The following DMD variants were observed in gnomAD, a reference collection of about 807,000 sequenced individuals.
DMD encodes dystrophin, also known as mutant dystrophin.
In DMD, 63 loss-of-function variants were observed where a neutral mutation model predicts 330.1. That is an observed-to-expected ratio of 0.19 (90% CI 0.16 to 0.24). The LOEUF (loss-of-function observed/expected upper bound fraction) is 0.24, where lower values mean the gene tolerates loss of function less well. Ranked by LOEUF, DMD falls within the 10% of genes least tolerant of loss-of-function variation. The pLI is 1.00. For missense variants in DMD, 3,344 were observed against 2,684.1 expected (o/e 1.25, Z -5.43); for synonymous variants, 1,223 against 959.8 (o/e 1.27, Z -5.07).
intron 48 of DMD, among the ~76,000 whole-genome samples, chrX:31,849,356 G>A (rs1056902220): frequency 2.7e-5 from 3 of 110,987 alleles, no homozygotes; most frequent in Non-Finnish European, 5.7e-5. Context: ...ATAACAACTA[G>A]TAAAGTGCAA....
intron 59 of DMD, among the ~76,000 whole-genome samples, chrX:31,462,970 T>C (rs1203584626): frequency 8.9e-6 from 1 of 112,313 alleles, no homozygotes; most frequent in Non-Finnish European, 1.9e-5. Flanking sequence ...TTCATGTCCA[T>C]AGGTGAATGT....
chrX:32,560,995 A>C (rs190228173), intron 16 of DMD, among the ~76,000 whole-genome samples: 1 of 111,720 alleles, frequency 9.0e-6, no homozygotes, highest in African/African-American at 3.3e-5. Context: ...TAGTTCTTTG[A>C]GGAACCACCA....
chrX:31,259,145 TATA>T (rs2050263588), intron 63 of DMD, among the ~76,000 whole-genome samples: 2 of 112,233 alleles, frequency 1.8e-5, no homozygotes, highest in Admixed American at 9.5e-5. Flanking sequence ...GTATTAATTC[TATA>T]ATAATAATGA....
intron 2 of DMD, among the ~76,000 whole-genome samples, chrX:32,934,222 T>TA (rs1450820251): frequency 1.8e-5 from 2 of 111,501 alleles, no homozygotes; most frequent in Admixed American, 1.9e-4. Flanking sequence ...GCATCTCTTT[T>TA]AGAAACAAGG....
intron 1 of DMD, among the ~76,000 whole-genome samples, chrX:33,025,917 A>G (rs1366536451): frequency 8.9e-6 from 1 of 111,778 alleles, no homozygotes; most frequent in African/African-American, 3.3e-5. Context: ...TTAATTGAAG[A>G]TCTTCATCCC....
chrX:32,842,413 C>G (rs994554047), intron 4 of DMD, among the ~76,000 whole-genome samples: 5 of 111,900 alleles, frequency 4.5e-5, no homozygotes, highest in African/African-American at 1.6e-4. Context: ...AACAAACAAA[C>G]AAAAAAACCC....
rs189924513 is a variant in DMD at position 32,546,976 on chromosome X, T to C, written c.1993-1642A>G. On this transcript the variant is annotated intron_variant, in intron 16 of 78. Transcript: ENST00000357033. ...AGTAGGATTCCAAGAGCATTTACTT[T>C]GTAATTTGAATATTTTTTAACCATG... Among the ~76,000 whole-genome samples, 7 of 112,071 alleles carry C rather than the reference T, an allele frequency of 6.2e-5. No individual in the cohort carries two copies. In the East Asian group the frequency reaches 2.0e-3, roughly 31 times the overall value.
rs128626250 is a variant in DMD at position 32,217,062 on chromosome X, G to A, written c.6292C>T (p.Arg2098Ter). ...CATTTCTCAACAGATCTGTCAAATC[G>A]CCTGCAGGTAAAAGCATATGGATCA... is the stretch of plus-strand genomic sequence containing the variant. ...VNKMYKDRQG[R>*]FDRSVEKWRR... The change falls in exon 44 of 79, where the codon CGA (arginine) becomes TGA (stop). Residue 2098 changes from arginine to a stop codon, truncating the protein, a stop_gained and splice_region_variant. Transcript: ENST00000357033. LOFTEE classifies it high-confidence loss of function. 1 of 1,207,369 alleles carries A rather than the reference G, an allele frequency of 8.3e-7. No homozygotes were observed. The highest frequency in any genetic ancestry group is 1.1e-6 in the Non-Finnish European group (1 of 892,504).
At chrX:32,607,739 T>A (rs1223212577) in intron 12 of DMD, among the ~76,000 whole-genome samples, 1 of 110,690 alleles carries the variant, frequency 9.0e-6, no homozygotes, top group African/African-American at 3.3e-5. Context: ...CATGTGTGTC[T>A]TAGCTTTCTT....
At chrX:32,082,652 G>A (rs2096402612) in intron 44 of DMD, among the ~76,000 whole-genome samples, 1 of 111,606 alleles carries the variant, frequency 9.0e-6, no homozygotes, top group Non-Finnish European at 1.9e-5. Flanking sequence ...AGCCTTTGAG[G>A]TTAACATACA....
chrX:32,176,797 A>T (rs2096908183), intron 44 of DMD, among the ~76,000 whole-genome samples: 1 of 111,254 alleles, frequency 9.0e-6, no homozygotes, highest in African/African-American at 3.3e-5. Flanking sequence ...TGACATCCAC[A>T]TTCATTTCTC....
intron 7 of DMD, among the ~76,000 whole-genome samples, chrX:32,775,864 T>C (rs1005105003): frequency 2.7e-5 from 3 of 112,897 alleles, no homozygotes; most frequent in Non-Finnish European, 5.6e-5. Flanking sequence ...GGGTTTTTCT[T>C]TTCTGCCGCA....
At position 32,787,730 on chromosome X, in the gene DMD, T is replaced by C. The variant is rs1283747417; in HGVS notation, c.649+21763A>G. 1.4e-4 allele frequency among the ~76,000 whole-genome samples: 13 copies of C among 95,009 alleles called. No homozygotes were observed. The Admixed American group carries it at 1.5e-3, about 11-fold the overall frequency. 82.5% of individuals were successfully genotyped at this position (95,009 alleles called of 115,157 possible). A position where few individuals can be genotyped will look rare whatever the true frequency, so the allele number is the denominator to read the frequency against. ...CCACCATCATCTAATTGTACTGTAC[T>C]CATCAATTTAAGGACCACGGTTGAC... On this transcript the variant is annotated intron_variant, in intron 7 of 78. Coordinates refer to ENST00000357033, the MANE Select transcript of DMD (RefSeq NM_004006.3).
chrX:32,371,448 TC>T (rs2147338807), intron 34 of DMD, among the ~76,000 whole-genome samples: 1 of 110,165 alleles, frequency 9.1e-6, no homozygotes, highest in East Asian at 2.8e-4. Flanking sequence ...TTCCAGAAAA[TC>T]TTATTCTACC....
chrX:33,122,419 C>T (rs749895748), intron 1 of DMD, among the ~76,000 whole-genome samples: 4 of 111,947 alleles, frequency 3.6e-5, no homozygotes, highest in East Asian at 5.6e-4. Flanking sequence ...TTGATAATTT[C>T]ATTATCTTTA....
chrX:33,168,751 A>G (rs1369144126), intron 1 of DMD, among the ~76,000 whole-genome samples: 1 of 110,318 alleles, frequency 9.1e-6, no homozygotes, highest in Admixed American at 9.7e-5. Flanking sequence ...CTGGGAGTCT[A>G]CCTGGATTAT....
At chrX:33,049,219 T>C (rs2094427574) in intron 1 of DMD, among the ~76,000 whole-genome samples, 1 of 112,044 alleles carries the variant, frequency 8.9e-6, no homozygotes, top group African/African-American at 3.2e-5. Context: ...GTACAGAAAC[T>C]TCCCTGAAAA....
intron 1 of DMD, among the ~76,000 whole-genome samples, chrX:33,157,126 T>G (rs909621163): frequency 9.0e-6 from 1 of 111,665 alleles, no homozygotes; most frequent in African/African-American, 3.3e-5. Flanking sequence ...GTTGTTTGTT[T>G]GTTTTTTAGG....
At chrX:31,778,061 T>C (rs993681598) in intron 50 of DMD, among the ~76,000 whole-genome samples, 1 of 112,309 alleles carries the variant, frequency 8.9e-6, no homozygotes, top group African/African-American at 3.2e-5. Context: ...GAAAACTTTT[T>C]CTCTCCTGTT....
Sources: gnomAD v4.1 joint callset for allele counts (sites outside exome capture counted in the v4.1 genomes callset) on GRCh38, gnomAD v4.1.1 for gene constraint, MANE v1.5 for transcripts, NCBI Gene and HGNC (gene_info 2026-07-23, HGNC 2026-07-21) for gene names.